The following KCNK2 variants were observed in gnomAD, a reference collection of about 807,000 sequenced individuals.
The protein encoded by KCNK2 is potassium channel subfamily K member 2.
KCNK2 carries 21 observed loss-of-function variants against 40.5 expected under a neutral mutation model. That is an observed-to-expected ratio of 0.52 (90% CI 0.37 to 0.75). The LOEUF is 0.75. KCNK2 is among the 30% of genes least tolerant of loss of function. The pLI is 0.00. For missense variants in KCNK2, 399 were observed against 531.6 expected (o/e 0.75, Z 2.45); for synonymous variants, 191 against 202.2 (o/e 0.94, Z 0.47).
chr1:215,169,112 C>G, intron 3 of KCNK2, 87 bp from the exon 4 acceptor site: 1 of 1,011,884 alleles, frequency 9.9e-7, no homozygotes, highest in Non-Finnish European at 1.4e-6. Flanking sequence ...TGATATCTTG[C>G]AATTTTTTGG....
intron 3 of KCNK2, among the ~76,000 whole-genome samples, chr1:215,166,435 T>G (rs1422277468): frequency 6.6e-6 from 1 of 152,144 alleles, no homozygotes; most frequent in East Asian, 1.9e-4. Flanking sequence ...TAGTTCAAGT[T>G]CTGTGGAACC....
At chr1:215,083,803 A>T (rs1659296376) in intron 1 of KCNK2, 1 of 332,020 alleles carries the variant, frequency 3.0e-6, no homozygotes, top group Non-Finnish European at 5.7e-6. Context: ...GTGGTGCTGA[A>T]AAAAGCTTGC....
At chr1:215,150,801 T>A (rs1662654460) in intron 3 of KCNK2, among the ~76,000 whole-genome samples, 1 of 151,974 alleles carries the variant, frequency 6.6e-6, no homozygotes, top group Admixed American at 6.6e-5. Context: ...GGTATTTAAT[T>A]CCACGCACAA....
At chr1:215,026,949 A>C (rs1304416197) in intron 1 of KCNK2, among the ~76,000 whole-genome samples, 1 of 152,072 alleles carries the variant, frequency 6.6e-6, no homozygotes, top group Non-Finnish European at 1.5e-5. Context: ...TCATTCTTAC[A>C]ACAGGATTTA....
At position 215,236,199 on chromosome 1, in the gene KCNK2, CAAT is replaced by C. The variant is rs937528227; in HGVS notation, c.*1055_*1057del. On this transcript the variant is annotated 3_prime_UTR_variant, in exon 7 of 7. Coordinates refer to ENST00000444842, the MANE Select transcript of KCNK2 (RefSeq NM_001017425.3). Reference sequence around the variant, plus strand: ...TTCTGATGGAAAGAAAATAGCAAAACAATGTGTTACAAGTATTTGCTAATAAAC... The same window carrying C: ...TTCTGATGGAAAGAAAATAGCAAAACGTGTTACAAGTATTTGCTAATAAAC... The C allele has an allele frequency of 6.6e-5, 10 of 152,172 alleles. No homozygotes were observed. The highest frequency in any genetic ancestry group is 2.2e-4 in the African/African-American group (9 of 41,412). 9.4% of individuals were successfully genotyped at this position (152,172 alleles called of 1,614,324 possible).
At chr1:215,230,102 C>CTGTGTGTGTGTAT (rs1666570269) in intron 6 of KCNK2, among the ~76,000 whole-genome samples, 9 of 41,790 alleles carry the variant, frequency 2.2e-4, no homozygotes, top group Non-Finnish European at 6.8e-4. Context: ...TACACACACA[C>CTGTGTGTGTGTAT]ACACACACAC....
chr1:215,019,832 G>A (rs371569339), intron 1 of KCNK2, among the ~76,000 whole-genome samples: 6 of 152,176 alleles, frequency 3.9e-5, no homozygotes, highest in Non-Finnish European at 1.5e-5. Context: ...CCTCTCTTAT[G>A]CTTTTCCTCC....
At chr1:215,121,670 T>G (rs953488817) in intron 2 of KCNK2, among the ~76,000 whole-genome samples, 2 of 152,232 alleles carry the variant, frequency 1.3e-5, no homozygotes, top group Non-Finnish European at 2.9e-5. Flanking sequence ...CAATGAAGTC[T>G]GCCAGCAGCT....
chr1:215,086,384 G>C lies in KCNK2; in HGVS notation c.63G>C (p.Leu21Phe). The stretch of plus-strand genomic sequence containing the variant: ...TGTTGTCAGTGGCGGCACCTGACTT[G>C]CTGGATCCTAAATCTGCCGCTCAGA... ...GYRAGVAAPDLLDPKSAAQNS... is the reference protein window; with the variant it reads ...GYRAGVAAPDFLDPKSAAQNS... The change falls in exon 2 of 7, where the codon TTG (leucine) becomes TTC (phenylalanine). Residue 21 changes from leucine (L) to phenylalanine (F), a missense_variant. Physicochemically the swap from Leu to Phe is conservative, Grantham distance 22. Coordinates refer to ENST00000444842, the MANE Select transcript of KCNK2 (RefSeq NM_001017425.3). 6.2e-7 allele frequency: 1 copy of C among 1,613,908 alleles called. No individual in the cohort carries two copies. The highest frequency in any genetic ancestry group is 1.1e-5 in the South Asian group (1 of 91,058).
At chr1:215,156,130 A>G (rs139259166) in intron 3 of KCNK2, among the ~76,000 whole-genome samples, 9 of 152,124 alleles carry the variant, frequency 5.9e-5, no homozygotes, top group East Asian at 3.9e-4. Context: ...CACGGAGCTC[A>G]AATTTGAGTA....
At chr1:215,086,047 G>A (rs1179203051) in intron 1 of KCNK2, among the ~76,000 whole-genome samples, 1 of 152,164 alleles carries the variant, frequency 6.6e-6, no homozygotes, top group Non-Finnish European at 1.5e-5. Flanking sequence ...GACCGGCACA[G>A]TGGACAGATG....
chr1:215,155,299 T>TG (rs1662866608), intron 3 of KCNK2, among the ~76,000 whole-genome samples: 1 of 12,524 alleles, frequency 8.0e-5, no homozygotes, highest in Non-Finnish European at 5.3e-3. Flanking sequence ...ATTTGCTTCA[T>TG]AACTTAATTT....
At chr1:215,030,350 T>A (rs968388441) in intron 1 of KCNK2, among the ~76,000 whole-genome samples, 6 of 152,124 alleles carry the variant, frequency 3.9e-5, no homozygotes, top group Admixed American at 1.3e-4. Context: ...AGCTTGTGGC[T>A]TGTCTTTCCC....
intron 3 of KCNK2, among the ~76,000 whole-genome samples, chr1:215,134,119 A>AT (rs2102592735): frequency 6.6e-6 from 1 of 151,280 alleles, no homozygotes; most frequent in East Asian, 2.0e-4. Context: ...AGAAAAAAAA[A>AT]ATTCTCCCAC....
At chr1:215,121,266 G>A (rs529380622) in intron 2 of KCNK2, among the ~76,000 whole-genome samples, 1 of 152,038 alleles carries the variant, frequency 6.6e-6, no homozygotes, top group Non-Finnish European at 1.5e-5. Flanking sequence ...CCCCCTCAGA[G>A]GTTTGTTAAG....
At position 215,235,113 on chromosome 1, in the gene KCNK2, G is replaced by A. The variant is rs1666827863; in HGVS notation, c.1249G>A (p.Glu417Lys). 6.2e-7 allele frequency: 1 copy of A among 1,602,542 alleles called. No homozygotes were observed. The highest frequency in any genetic ancestry group is 1.3e-5 in the African/African-American group (1 of 74,708). Residue 417 changes from glutamate (E) to lysine (K), a missense_variant, in exon 7 of 7, where the codon GAA (glutamate) becomes AAA (lysine). This residue lies in a region of KCNK2 where 103 missense variants were observed against 124.3 expected (regional missense o/e 0.83). Transcript: ENST00000444842. ...LNGLTPHCAG[E>K]EIAVIENIK ...TGGTTTGACGCCACACTGTGCTGGT[G>A]AAGAGATTGCTGTGATTGAGAACAT...
intron 2 of KCNK2, among the ~76,000 whole-genome samples, chr1:215,120,834 T>C (rs1661159736): frequency 6.6e-6 from 1 of 152,262 alleles, no homozygotes; most frequent in Non-Finnish European, 1.5e-5. Flanking sequence ...TTATTACCTC[T>C]GTTCCATCCC....
chr1:215,170,640 G>A (rs967310542), intron 4 of KCNK2, among the ~76,000 whole-genome samples: 3 of 152,088 alleles, frequency 2.0e-5, no homozygotes, highest in Non-Finnish European at 4.4e-5. Flanking sequence ...ATCAAAGTTA[G>A]ATCTCAAGCA....
At chr1:215,073,320 A>G (rs908413512) in intron 1 of KCNK2, among the ~76,000 whole-genome samples, 2 of 152,196 alleles carry the variant, frequency 1.3e-5, no homozygotes, top group Admixed American at 1.3e-4. Flanking sequence ...TAGCAGCCCT[A>G]GGAAACACAG....
Sources: allele counts gnomAD v4.1 joint callset (sites outside exome capture counted in the v4.1 genomes callset), GRCh38; gene constraint gnomAD v4.1.1; regional missense constraint gnomAD v4.1.1; transcripts MANE v1.5; gene names NCBI Gene and HGNC (gene_info 2026-07-23, HGNC 2026-07-21).